Variants in CROT observed in about 807,000 individuals in gnomAD.
CROT encodes the protein peroxisomal carnitine O-octanoyltransferase.
A neutral mutation model predicts 89.2 loss-of-function variants in CROT; 84 were observed. The observed-to-expected ratio is 0.94, with a 90% CI of 0.79 to 1.13. The LOEUF is 1.13. Among genes scored for constraint, CROT ranks in the 50% most tolerant of loss-of-function variants. CROT has a pLI of 0.00. For missense variants in CROT, 711 were observed against 727.8 expected, an observed-to-expected ratio of 0.98 and a Z score of 0.27; for synonymous variants, 212 against 239.5, an observed-to-expected ratio of 0.89 and a Z score of 1.06.
intron 13 of CROT, among the ~76,000 whole-genome samples, chr7:87,387,785 C>T (rs908388018): frequency 6.6e-6 from 1 of 152,108 alleles, no homozygotes; most frequent in Non-Finnish European, 1.5e-5. Flanking sequence ...AACCCCATCT[C>T]TATGGAAAAT....
chr7:87,357,707 A>C (rs1222682880), intron 3 of CROT: 4 of 615,698 alleles, frequency 6.5e-6, no homozygotes, highest in Non-Finnish European at 1.2e-5. Context: ...AGTTTTTCTT[A>C]TATAGAGCCT....
chr7:87,389,041 A>G (rs1807272828), intron 13 of CROT, among the ~76,000 whole-genome samples: 1 of 152,270 alleles, frequency 6.6e-6, no homozygotes, highest in African/African-American at 2.4e-5. Flanking sequence ...ATCACTAGTC[A>G]TTAGAGAAAT....
intron 3 of CROT, among the ~76,000 whole-genome samples, chr7:87,355,501 A>G (rs542466066): frequency 4.3e-4 from 65 of 152,262 alleles, no homozygotes; most frequent in Admixed American, 2.7e-3. Context: ...GCTCTAAATT[A>G]TATAAAATTA....
rs1056482460 is a variant in CROT at position 87,398,254 on chromosome 7, G to A, written c.1719-270G>A. The A allele has an allele frequency of 3.4e-5, 20 of 591,104 alleles. No individual in the cohort carries two copies. The Middle Eastern group carries it at 1.6e-3, about 47-fold the overall frequency. 36.6% of individuals were successfully genotyped at this position (591,104 alleles called of 1,614,324 possible). A position where few individuals can be genotyped will look rare whatever the true frequency, so the allele number is the denominator to read the frequency against. ...GGAGGTTTTTTGTTCTGTTTTAAAC[G>A]CAGTAAGACCTAGCTTCAGAGCACT... On this transcript the variant is annotated intron_variant, in intron 17 of 17. Coordinates refer to ENST00000331536, the MANE Select transcript of CROT (RefSeq NM_021151.4).
rs779092484 is a variant in CROT at position 87,398,511 on chromosome 7, T to G, written c.1719-13T>G. ...CTTTTGTGTAATCATTAATCATTAT[T>G]TATGCTTCACAGGTTTGTTGTGGCC... On this transcript the variant is annotated splice_polypyrimidine_tract_variant and intron_variant, in intron 17 of 17. Transcript: ENST00000331536. 1 of 1,613,136 alleles carries G rather than the reference T, an allele frequency of 6.2e-7. No homozygotes were observed. The highest frequency in any genetic ancestry group is 8.5e-7 in the Non-Finnish European group (1 of 1,179,754).
chr7:87,373,130 T>C (rs1328761586), intron 7 of CROT, among the ~76,000 whole-genome samples: 1 of 152,104 alleles, frequency 6.6e-6, no homozygotes, highest in Non-Finnish European at 1.5e-5. Context: ...TCTGCCTTTT[T>C]TATTGTAGCG....
chr7:87,345,909 G>A (rs1020575616), intron 1 of CROT, 142 bp downstream of exon 1: 1 of 155,634 alleles, frequency 6.4e-6, no homozygotes, highest in African/African-American at 2.4e-5. Context: ...GGGTCTCAGG[G>A]GTACCCTCAA....
intron 3 of CROT, among the ~76,000 whole-genome samples, chr7:87,353,942 A>G (rs192133707): frequency 6.6e-6 from 1 of 152,236 alleles, no homozygotes; most frequent in Non-Finnish European, 1.5e-5. Flanking sequence ...AATGGAGTTC[A>G]TGGTGTGACT....
At chr7:87,381,889 T>C (rs1807018460) in intron 10 of CROT, 21 bp from the exon 11 acceptor site, 1 of 1,537,276 alleles carries the variant, frequency 6.5e-7, no homozygotes, top group African/African-American at 1.4e-5. Flanking sequence ...TATTCAGAAA[T>C]CTTGTGTGTT....
At position 87,382,450 on chromosome 7, in the gene CROT, C is replaced by A. The variant is rs200391728; in HGVS notation, c.1208C>A (p.Ser403Tyr). 9.3e-6 allele frequency: 15 copies of A among 1,613,794 alleles called. No homozygotes were observed. The East Asian group carries it at 2.9e-4, about 31-fold the overall frequency. ...CAGATTGCGGCTTATGCCTTTACAT[C>A]TTTTGGCAAAAAGCTAACCAAGAAC... ...DLQIAAYAFT[S>Y]FGKKLTKNKM... is the part of the protein sequence containing the mutation. The change falls in exon 13 of 18, where the codon TCT becomes TAT. Residue 403 changes from serine (S) to tyrosine (Y), a missense_variant. Transcript: ENST00000331536.
Position 87,375,872 on chromosome 7 carries a change from G to A in CROT, c.795G>A (p.Leu265=), listed in dbSNP as rs1454496010. 1.2e-6 allele frequency: 2 copies of A among 1,613,318 alleles called. No individual in the cohort carries two copies. The highest frequency in any genetic ancestry group is 1.7e-6 in the Non-Finnish European group (2 of 1,179,550). Residue 265 remains leucine (L), a synonymous_variant, in exon 9 of 18, where the codon TTG becomes TTA. Transcript: ENST00000331536. ...GTCTTGATCCAGAGAACTTGGCTTT[G>A]TTAGAAAAAATTCAGAGTAGTTTAC... The part of the protein sequence containing the change: ...LIGLDPENLA[L]LEKIQSSLLV...
chr7:87,362,255 C>G (rs973026112), intron 6 of CROT, among the ~76,000 whole-genome samples: 3 of 150,554 alleles, frequency 2.0e-5, no homozygotes, highest in Non-Finnish European at 4.4e-5. Context: ...CCCTGTGAGT[C>G]TGCTTGTCCC....
intron 3 of CROT, chr7:87,354,370 C>T: frequency 1.9e-6 from 1 of 518,444 alleles, no homozygotes; most frequent in Middle Eastern, 3.2e-4. Flanking sequence ...ACCTGGACAT[C>T]AAACCTGATG....
chr7:87,391,468 A>T, intron 13 of CROT, 121 bp from the exon 14 acceptor site: 2 of 901,142 alleles, frequency 2.2e-6, no homozygotes, highest in South Asian at 4.3e-5. Context: ...GAAAGTCTCC[A>T]ACCTATCTGT....
chr7:87,369,178 A>G (rs1806542317), intron 6 of CROT, among the ~76,000 whole-genome samples, 198 bp from the exon 7 acceptor site: 1 of 152,214 alleles, frequency 6.6e-6, no homozygotes, highest in Non-Finnish European at 1.5e-5. Context: ...CTCACATGGA[A>G]CAAGTGTCAG....
intron 13 of CROT, among the ~76,000 whole-genome samples, chr7:87,385,119 G>A (rs1166810351): frequency 1.3e-5 from 2 of 151,120 alleles, no homozygotes; most frequent in Non-Finnish European, 2.9e-5. Context: ...TTGAAGTTTG[G>A]TAATGTGATA....
intron 10 of CROT, among the ~76,000 whole-genome samples, chr7:87,380,826 T>C (rs933214137): frequency 1.2e-4 from 19 of 152,198 alleles, no homozygotes; most frequent in Admixed American, 1.0e-3. Flanking sequence ...TTTGATAATA[T>C]CTGAAAATTC....
At chr7:87,353,783 C>T (rs1200446473) in intron 3 of CROT, among the ~76,000 whole-genome samples, 1 of 152,200 alleles carries the variant, frequency 6.6e-6, no homozygotes, top group Admixed American at 6.5e-5. Context: ...AGAGTGAGGG[C>T]TCACTTGTCA....
chr7:87,390,356 T>A (rs1305834882), intron 13 of CROT, among the ~76,000 whole-genome samples: 2 of 152,232 alleles, frequency 1.3e-5, no homozygotes, highest in Non-Finnish European at 2.9e-5. Flanking sequence ...ATTGCTAAGG[T>A]TCATTATTTC....
Sources: gnomAD v4.1 joint callset for allele counts (sites outside exome capture counted in the v4.1 genomes callset) on GRCh38, gnomAD v4.1.1 for gene constraint, MANE v1.5 for transcripts, NCBI Gene and HGNC (gene_info 2026-07-23, HGNC 2026-07-21) for gene names.